HECW2: variants seen among roughly 807,000 people sequenced by gnomAD.
The protein encoded by HECW2 is E3 ubiquitin-protein ligase HECW2.
Under a neutral mutation model 175.2 loss-of-function variants are expected in HECW2, and 61 were observed. The ratio of observed to expected loss-of-function variants is 0.35; its 90% CI spans 0.28 to 0.43. The LOEUF is 0.43. HECW2 is among the 20% of genes least tolerant of loss of function. HECW2 has a pLI of 1.00. For synonymous variants in HECW2, 671 were observed against 731.0 expected (o/e 0.92, Z 1.32); for missense variants, 1,524 against 2,000.5 (o/e 0.76, Z 4.54).
At chr2:196,587,991 C>A (rs957570428) in intron 1 of HECW2, among the ~76,000 whole-genome samples, 1 of 152,154 alleles carries the variant, frequency 6.6e-6, no homozygotes, top group Non-Finnish European at 1.5e-5. Flanking sequence ...GCAACTCTAT[C>A]CCTCAGGTAT....
At chr2:196,246,424 C>T (rs1368464711) in intron 19 of HECW2, among the ~76,000 whole-genome samples, 5 of 152,128 alleles carry the variant, frequency 3.3e-5, no homozygotes, top group East Asian at 1.9e-4. Flanking sequence ...CTCACTCTGT[C>T]GCCCAGGCTG....
At position 196,474,739 on chromosome 2, in the gene HECW2, C is replaced by T. The variant is rs143545666; in HGVS notation, c.-35-41281G>A. On this transcript the variant is annotated intron_variant, in intron 1 of 28. Transcript: ENST00000644978. The stretch of plus-strand genomic sequence containing the variant: ...TGCCATCTTTTTTTAGGATTGATTC[C>T]TACAAGGTACAGCATGGAATGTTAT... 6.0e-4 allele frequency among the ~76,000 whole-genome samples: 91 copies of T among 152,180 alleles called. No homozygotes were observed. In the East Asian group the frequency reaches 9.5e-3, roughly 16 times the overall value.
intron 15 of HECW2, among the ~76,000 whole-genome samples, chr2:196,274,802 T>A (rs1462230247): frequency 6.6e-6 from 1 of 152,206 alleles, no homozygotes; most frequent in Admixed American, 6.5e-5. Flanking sequence ...TAGAAACTCA[T>A]ACACACAAGT....
intron 26 of HECW2, among the ~76,000 whole-genome samples, 176 bp downstream of exon 26, chr2:196,219,863 T>A (rs1531113): frequency 0.041 from 6,231 of 151,642 alleles, 389 homozygotes; most frequent in African/African-American, 0.14. Flanking sequence ...ATCTGACAGA[T>A]GAGGTAATTA....
At chr2:196,299,771 TAC>T (rs1690964306) in intron 13 of HECW2, among the ~76,000 whole-genome samples, 1 of 151,914 alleles carries the variant, frequency 6.6e-6, no homozygotes. Flanking sequence ...CTACTAAAAA[TAC>T]AAAAAATTAG....
intron 17 of HECW2, 160 bp from the exon 18 acceptor site, chr2:196,258,066 G>T: frequency 1.8e-6 from 1 of 546,924 alleles, no homozygotes; most frequent in Non-Finnish European, 3.2e-6. Flanking sequence ...AGAGAGACAT[G>T]GTCTTTGCCT....
intron 19 of HECW2, among the ~76,000 whole-genome samples, chr2:196,245,430 G>A (rs1688610766): frequency 1.3e-5 from 2 of 152,230 alleles, no homozygotes; most frequent in South Asian, 4.1e-4. Flanking sequence ...TGTGGGAAGT[G>A]ATGCAGGTGG....
chr2:196,562,137 G>T (rs576179253), intron 1 of HECW2, among the ~76,000 whole-genome samples: 55 of 152,154 alleles, frequency 3.6e-4, no homozygotes, highest in Non-Finnish European at 7.1e-4. Flanking sequence ...GAATAGATTT[G>T]CAGGTGGTTA....
chr2:196,509,526 T>C (rs1473735212), intron 1 of HECW2, among the ~76,000 whole-genome samples: 1 of 152,190 alleles, frequency 6.6e-6, no homozygotes, highest in Non-Finnish European at 1.5e-5. Flanking sequence ...ATCCTGAAGC[T>C]ACTAGGGGCT....
At chr2:196,551,388 A>T (rs1357646185) in intron 1 of HECW2, among the ~76,000 whole-genome samples, 2 of 152,224 alleles carry the variant, frequency 1.3e-5, no homozygotes, top group Non-Finnish European at 2.9e-5. Context: ...ATGAGACCTT[A>T]AAAGACCAAA....
At chr2:196,272,874 T>C (rs1056821271) in intron 16 of HECW2, among the ~76,000 whole-genome samples, 1 of 139,312 alleles carries the variant, frequency 7.2e-6, no homozygotes, top group Non-Finnish European at 1.6e-5. Flanking sequence ...CAGTATTTAG[T>C]GTCATATTAG....
intron 1 of HECW2, among the ~76,000 whole-genome samples, chr2:196,484,958 C>T (rs1405882): frequency 0.14 from 21,127 of 152,152 alleles, 1,525 homozygotes; most frequent in Middle Eastern, 0.22. Context: ...GGTTCTGTTG[C>T]AGGATTCTAG....
chr2:196,239,269 G>A (rs1435255861), intron 21 of HECW2: 3 of 152,206 alleles, frequency 2.0e-5, no homozygotes, highest in Non-Finnish European at 4.4e-5. Flanking sequence ...AGCACTGCAT[G>A]TGACAAGAGC....
intron 17 of HECW2, among the ~76,000 whole-genome samples, chr2:196,265,486 C>T (rs1368484344): frequency 1.3e-5 from 2 of 151,852 alleles, no homozygotes; most frequent in Non-Finnish European, 2.9e-5. Flanking sequence ...ACTCTGTCCG[C>T]TCCCCACCCC....
chr2:196,218,594 C>T (rs756045278), intron 26 of HECW2, among the ~76,000 whole-genome samples: 1 of 152,056 alleles, frequency 6.6e-6, no homozygotes, highest in Non-Finnish European at 1.5e-5. Context: ...CAGGAGATCG[C>T]TTGAGGCCAG....
intron 1 of HECW2, among the ~76,000 whole-genome samples, chr2:196,449,137 A>G (rs917514815): frequency 1.3e-5 from 2 of 152,144 alleles, no homozygotes; most frequent in Non-Finnish European, 1.5e-5. Context: ...AAAGGAAGAA[A>G]CTGTGGTGCC....
At chr2:196,204,057 T>C (rs1407694431) in intron 28 of HECW2, among the ~76,000 whole-genome samples, 1 of 152,234 alleles carries the variant, frequency 6.6e-6, no homozygotes, top group Admixed American at 6.5e-5. Context: ...TAAGGCTGAA[T>C]AATGTTCCAT....
At chr2:196,552,508 T>C (rs549598444) in intron 1 of HECW2, among the ~76,000 whole-genome samples, 1 of 152,310 alleles carries the variant, frequency 6.6e-6, no homozygotes, top group East Asian at 1.9e-4. Context: ...ATATTCATAG[T>C]CCATTAGCAA....
At chr2:196,315,149 AGTGT>A (rs58473650) in intron 10 of HECW2, among the ~76,000 whole-genome samples, 61,251 of 144,436 alleles carry the variant, frequency 0.42, 13,378 homozygotes, top group East Asian at 0.69. Flanking sequence ...CGAGTGTATG[AGTGT>A]GTGTGTGTGT....
Sources: allele counts gnomAD v4.1 joint callset (sites outside exome capture counted in the v4.1 genomes callset), GRCh38; gene constraint gnomAD v4.1.1; transcripts MANE v1.5; gene names NCBI Gene and HGNC (gene_info 2026-07-23, HGNC 2026-07-21).